Variants in MAP3K13 observed in about 807,000 individuals in gnomAD.
MAP3K13 encodes leucine zipper-bearing kinase.
In MAP3K13, 52 loss-of-function variants were observed where a neutral mutation model predicts 104.0. The observed-to-expected ratio is 0.50, with a 90% CI of 0.40 to 0.63. MAP3K13 has a LOEUF of 0.63. Ranked by LOEUF, MAP3K13 falls within the 20% of genes least tolerant of loss-of-function variation. MAP3K13 has a pLI of 0.00. For missense variants in MAP3K13, 914 were observed against 1,218.5 expected (o/e 0.75, Z 3.72); for synonymous variants, 394 against 442.2 (o/e 0.89, Z 1.37).
intron 2 of MAP3K13, among the ~76,000 whole-genome samples, chr3:185,306,492 A>G (rs6784034): frequency 0.69 from 104,789 of 152,050 alleles, 37,343 homozygotes; most frequent in Non-Finnish European, 0.78. Flanking sequence ...GTGAGATGGT[A>G]TCTCATTGTG....
At chr3:185,439,301 T>C (rs1332886664) in intron 3 of MAP3K13, among the ~76,000 whole-genome samples, 3 of 152,140 alleles carry the variant, frequency 2.0e-5, no homozygotes, top group Admixed American at 2.0e-4. Context: ...GTTAATTCTA[T>C]CCTTGGTTGA....
chr3:185,389,194 A>G (rs553021041), intron 1 of MAP3K13, among the ~76,000 whole-genome samples: 1 of 152,292 alleles, frequency 6.6e-6, no homozygotes, highest in East Asian at 1.9e-4. Flanking sequence ...TTTGTAAATG[A>G]TTTGTCTTGC....
chr3:185,313,165 A>T (rs1721551043), intron 2 of MAP3K13, among the ~76,000 whole-genome samples: 2 of 151,498 alleles, frequency 1.3e-5, no homozygotes, highest in Admixed American at 1.3e-4. Flanking sequence ...CTCCAGCCTG[A>T]GAGACAGAGT....
At chr3:185,442,832 C>T (rs937346759) in intron 3 of MAP3K13, among the ~76,000 whole-genome samples, 1 of 151,524 alleles carries the variant, frequency 6.6e-6, no homozygotes, top group Non-Finnish European at 1.5e-5. Flanking sequence ...CGCGGCCTGG[C>T]CAAATTATTA....
At position 185,454,855 on chromosome 3, in the gene MAP3K13, A is replaced by AT. The variant is rs1491573379; in HGVS notation, c.1278+3460_1278+3461insT. Among the ~76,000 whole-genome samples, 44 of 66,592 alleles carry AT rather than the reference A, an allele frequency of 6.6e-4. 2 individuals are homozygous for AT. The highest frequency in any genetic ancestry group is 2.1e-3 in the African/African-American group (44 of 20,492). 43.7% of individuals were successfully genotyped at this position (66,592 alleles called of 152,430 possible). A position where few individuals can be genotyped will look rare whatever the true frequency, so the allele number is the denominator to read the frequency against. On this transcript the variant is annotated intron_variant, in intron 7 of 13. Coordinates refer to ENST00000265026, the MANE Select transcript of MAP3K13 (RefSeq NM_004721.5). ...TACATGATATATATATGAGATATAT[A>AT]CATGATATATATATGAGATATATAT...
upstream of MAP3K13, among the ~76,000 whole-genome samples, chr3:185,361,331 G>C (rs1371005531): frequency 6.6e-6 from 1 of 150,734 alleles, no homozygotes; most frequent in African/African-American, 2.4e-5. Flanking sequence ...AATGTATCCT[G>C]ATTGGCTTTG....
intron 7 of MAP3K13, among the ~76,000 whole-genome samples, chr3:185,461,567 T>A (rs1233529047): frequency 6.6e-6 from 1 of 152,166 alleles, no homozygotes; most frequent in Non-Finnish European, 1.5e-5. Context: ...TTTATTTTTT[T>A]AATTTTTTTT....
chr3:185,288,528 G>A (rs1183469835), intron 2 of MAP3K13, among the ~76,000 whole-genome samples: 4 of 149,474 alleles, frequency 2.7e-5, no homozygotes, highest in Non-Finnish European at 5.9e-5. Flanking sequence ...ATATGTGTGT[G>A]TGTGTTTGTG....
intron 1 of MAP3K13, among the ~76,000 whole-genome samples, chr3:185,407,251 C>A (rs1017081197): frequency 6.6e-6 from 1 of 152,114 alleles, no homozygotes; most frequent in African/African-American, 2.4e-5. Flanking sequence ...CCTCCACTTT[C>A]TGGAGTGGGA....
chr3:185,445,518 T>C (rs1012858532), intron 4 of MAP3K13, among the ~76,000 whole-genome samples: 4 of 152,202 alleles, frequency 2.6e-5, no homozygotes, highest in Admixed American at 1.3e-4. Context: ...AAGGCCTCTC[T>C]GAATGGTCTC....
chr3:185,357,460 A>G (rs1041308893), intron 2 of MAP3K13, among the ~76,000 whole-genome samples: 11 of 151,120 alleles, frequency 7.3e-5, no homozygotes, highest in African/African-American at 2.2e-4. Context: ...AAAAAAAAAA[A>G]AAAAAAAGAA....
chr3:185,444,026 A>G (rs907803100), intron 4 of MAP3K13, among the ~76,000 whole-genome samples: 4 of 152,206 alleles, frequency 2.6e-5, no homozygotes, highest in Admixed American at 1.3e-4. Flanking sequence ...ATACAACAGG[A>G]TAAAATGGAT....
intron 2 of MAP3K13, among the ~76,000 whole-genome samples, chr3:185,436,011 C>T (rs1431083457): frequency 1.3e-5 from 2 of 152,130 alleles, no homozygotes; most frequent in East Asian, 1.9e-4. Context: ...TTTCTCACTC[C>T]GTGGGGCTCT....
At chr3:185,309,996 C>T (rs1384548317) in intron 2 of MAP3K13, among the ~76,000 whole-genome samples, 1 of 152,198 alleles carries the variant, frequency 6.6e-6, no homozygotes, top group Non-Finnish European at 1.5e-5. Flanking sequence ...GAGTTAAAAA[C>T]AGCTGTAGCC....
In MAP3K13 at chr3:185,315,353, G is replaced by A. The variant is rs149325042; in HGVS notation, c.-86+29710G>A. On this transcript the variant is annotated intron_variant, in intron 2 of 14. Transcript: ENST00000424227. The surrounding 1 kb of genome is among the most constrained non-coding windows in gnomAD (Gnocchi z 4.3). ...TAGAGGAGTAACTTAACAAAAAGGGGAGAGAATGTATGTGTGTATGTCTTA... is the reference window on the plus strand; with the variant it reads ...TAGAGGAGTAACTTAACAAAAAGGGAAGAGAATGTATGTGTGTATGTCTTA... Among the ~76,000 whole-genome samples, 240 of 152,266 alleles carry A rather than the reference G, an allele frequency of 1.6e-3. No homozygotes were observed. The Middle Eastern group carries it at 0.034, about 22-fold the overall frequency.
chr3:185,365,018 A>G (rs1280348965), intron 1 of MAP3K13, among the ~76,000 whole-genome samples: 1 of 152,200 alleles, frequency 6.6e-6, no homozygotes, highest in Non-Finnish European at 1.5e-5. Context: ...TTGTTTAATA[A>G]TCAAACTCAT....
At chr3:185,392,950 G>C (rs1712157213) in intron 1 of MAP3K13, among the ~76,000 whole-genome samples, 1 of 152,014 alleles carries the variant, frequency 6.6e-6, no homozygotes, top group Non-Finnish European at 1.5e-5. Context: ...TACTCGGGAG[G>C]CTGAGAGAGG....
chr3:185,440,326 G>T (rs1034686141), intron 3 of MAP3K13, among the ~76,000 whole-genome samples: 1 of 152,132 alleles, frequency 6.6e-6, no homozygotes, highest in Non-Finnish European at 1.5e-5. Flanking sequence ...TAAAAGGTGC[G>T]TAAGATCACT....
chr3:185,353,900 G>A (rs374141282), intron 2 of MAP3K13, among the ~76,000 whole-genome samples: 24 of 148,054 alleles, frequency 1.6e-4, no homozygotes, highest in African/African-American at 5.8e-4. Flanking sequence ...CCCCGCCCCC[G>A]CCAACCCCAA....
Sources: gnomAD v4.1 joint callset for allele counts (sites outside exome capture counted in the v4.1 genomes callset) on GRCh38, gnomAD v4.1.1 for gene constraint, Gnocchi (gnomAD v3.1) non-coding constraint, MANE v1.5 for transcripts, NCBI Gene and HGNC (gene_info 2026-07-23, HGNC 2026-07-21) for gene names.